GRM7: variants seen among roughly 807,000 people sequenced by gnomAD.
The protein encoded by GRM7 is metabotropic glutamate receptor 7.
Under a neutral mutation model 84.5 loss-of-function variants are expected in GRM7, and 35 were observed. The observed-to-expected ratio is 0.41, with a 90% CI of 0.32 to 0.55. The LOEUF is 0.55. GRM7 is among the 20% of genes least tolerant of loss of function. The pLI is 0.19. For missense variants in GRM7, 1,003 were observed against 1,194.6 expected, an observed-to-expected ratio of 0.84 and a Z score of 2.36; for synonymous variants, 487 against 455.1, an observed-to-expected ratio of 1.07 and a Z score of -0.89.
At chr3:7,221,804 A>ATTTT (rs540956206) in intron 2 of GRM7, among the ~76,000 whole-genome samples, 43 of 97,356 alleles carry the variant, frequency 4.4e-4, no homozygotes, top group Middle Eastern at 7.7e-3. Context: ...AATTTCTTGT[A>ATTTT]TTTTTTTTTT....
intron 1 of GRM7, among the ~76,000 whole-genome samples, chr3:7,126,800 A>T (rs6762653): frequency 0.21 from 32,633 of 151,920 alleles, 3,741 homozygotes; most frequent in Middle Eastern, 0.32. Flanking sequence ...TAATCTCTTC[A>T]TGGCCCATCA....
intron 2 of GRM7, among the ~76,000 whole-genome samples, chr3:7,224,631 T>C (rs1696921173): frequency 6.6e-6 from 1 of 152,224 alleles, no homozygotes; most frequent in Admixed American, 6.5e-5. Context: ...GAGAAAATTG[T>C]ATTCTTTCAA....
chr3:7,482,149 C>G (rs113219595), intron 7 of GRM7, among the ~76,000 whole-genome samples: 6,795 of 152,232 alleles, frequency 0.045, 533 homozygotes, highest in African/African-American at 0.15. Flanking sequence ...GATGGCACCA[C>G]TGCACTCCAG....
intron 8 of GRM7, among the ~76,000 whole-genome samples, chr3:7,616,341 T>C (rs1336126591): frequency 6.6e-6 from 1 of 152,160 alleles, no homozygotes; most frequent in Non-Finnish European, 1.5e-5. Flanking sequence ...CATAAATCTA[T>C]GCTTCGTGTG....
At chr3:7,304,144 A>G (rs1418558794) in intron 3 of GRM7, among the ~76,000 whole-genome samples, 1 of 152,090 alleles carries the variant, frequency 6.6e-6, no homozygotes, top group East Asian at 1.9e-4. Context: ...CTCTTAACTT[A>G]TAGGGAACTT....
intron 7 of GRM7, among the ~76,000 whole-genome samples, chr3:7,466,057 T>C (rs74593012): frequency 0.018 from 2,699 of 152,260 alleles, 68 homozygotes; most frequent in African/African-American, 0.054. Flanking sequence ...TTGTAACCTC[T>C]ACAGAAACAA....
At chr3:7,218,499 T>C (rs1461441874) in intron 2 of GRM7, among the ~76,000 whole-genome samples, 2 of 152,020 alleles carry the variant, frequency 1.3e-5, no homozygotes, top group Admixed American at 6.6e-5. Flanking sequence ...TACATGTTTA[T>C]TGTGGGGTGG....
intron 1 of GRM7, among the ~76,000 whole-genome samples, chr3:7,102,609 A>G (rs1699149444): frequency 6.6e-6 from 1 of 151,740 alleles, no homozygotes; most frequent in African/African-American, 2.4e-5. Flanking sequence ...GAATTGGAGA[A>G]CATTTATCTA....
chr3:7,399,600 G>A (rs941263449), intron 4 of GRM7, among the ~76,000 whole-genome samples: 6 of 152,128 alleles, frequency 3.9e-5, no homozygotes, highest in East Asian at 3.9e-4. Flanking sequence ...CCTCAGTGTC[G>A]GAGATGGGGC....
rs529342255 is a variant in GRM7 at position 7,408,123 on chromosome 3, T to C, written c.1034-6900T>C. The stretch of plus-strand genomic sequence containing the variant: ...AGCTAGTAAGTGTCGAAGCTAGGAA[T>C]TGAACCCTACAATTCTAGTTTCAGA... On this transcript the variant is annotated intron_variant, in intron 4 of 9. Transcript: ENST00000357716. 2.0e-5 allele frequency among the ~76,000 whole-genome samples: 3 copies of C among 152,310 alleles called. No individual in the cohort carries two copies. The South Asian group carries it at 6.2e-4, about 32-fold the overall frequency.
chr3:7,455,063 T>G (rs754008093), intron 6 of GRM7, among the ~76,000 whole-genome samples: 1 of 152,086 alleles, frequency 6.6e-6, no homozygotes, highest in Admixed American at 6.6e-5. Flanking sequence ...ACTGAAGTGG[T>G]CATGTTGAAA....
At chr3:7,141,346 A>G (rs1024864209) in intron 1 of GRM7, among the ~76,000 whole-genome samples, 1 of 152,062 alleles carries the variant, frequency 6.6e-6, no homozygotes, top group African/African-American at 2.4e-5. Context: ...TACATAATGC[A>G]ATGAAAATAA....
intron 4 of GRM7, among the ~76,000 whole-genome samples, chr3:7,318,632 G>GA (rs1275387544): frequency 2.6e-5 from 4 of 151,906 alleles, no homozygotes; most frequent in African/African-American, 9.7e-5. Context: ...GAAAAGGGAA[G>GA]AAAAAACCCT....
intron 1 of GRM7, among the ~76,000 whole-genome samples, chr3:7,107,928 G>C (rs74383293): frequency 9.4e-4 from 143 of 152,170 alleles, no homozygotes; most frequent in African/African-American, 3.3e-3. Flanking sequence ...CGAGAAAAGA[G>C]ACAGGCAGAT....
intron 2 of GRM7, among the ~76,000 whole-genome samples, chr3:7,165,103 T>C (rs1694756390): frequency 6.6e-6 from 1 of 152,224 alleles, no homozygotes. Flanking sequence ...TTTTAGACTT[T>C]TATTATTCCT....
At chr3:7,248,438 G>C (rs543039020) in intron 2 of GRM7, among the ~76,000 whole-genome samples, 6 of 152,068 alleles carry the variant, frequency 3.9e-5, no homozygotes, top group African/African-American at 1.2e-4. Context: ...GAGGAGTATC[G>C]GAATAATACT....
chr3:7,604,143 A>T (rs1354251962), intron 8 of GRM7, among the ~76,000 whole-genome samples: 1 of 152,142 alleles, frequency 6.6e-6, no homozygotes, highest in Non-Finnish European at 1.5e-5. Flanking sequence ...CTTAAAAAAA[A>T]AAAAAAGCAT....
At chr3:7,076,226 A>C (rs1219322739) in intron 1 of GRM7, among the ~76,000 whole-genome samples, 1 of 152,128 alleles carries the variant, frequency 6.6e-6, no homozygotes, top group East Asian at 1.9e-4. Flanking sequence ...ACTAATGTAA[A>C]GTTAAATAAA....
chr3:7,164,376 T>G (rs1694734673), intron 2 of GRM7, among the ~76,000 whole-genome samples: 1 of 152,086 alleles, frequency 6.6e-6, no homozygotes, highest in Non-Finnish European at 1.5e-5. Context: ...TTAAAAAACA[T>G]AAAAATCACA....
Sources: gnomAD v4.1 joint callset for allele counts (sites outside exome capture counted in the v4.1 genomes callset) on GRCh38, gnomAD v4.1.1 for gene constraint, MANE v1.5 for transcripts, NCBI Gene and HGNC (gene_info 2026-07-23, HGNC 2026-07-21) for gene names.